The following SPPL3 variants were observed in gnomAD, a reference collection of about 807,000 sequenced individuals.
The protein encoded by SPPL3 is signal peptide peptidase like 3, also known as signal peptide peptidase-like 3.
A neutral mutation model predicts 42.4 loss-of-function variants in SPPL3; 5 were observed. The observed-to-expected ratio is 0.12, with a 90% CI of 0.06 to 0.25. SPPL3 has a LOEUF of 0.25. Among genes scored for constraint, SPPL3 ranks in the 10% least tolerant of loss-of-function variants. SPPL3 has a pLI of 1.00. For missense variants in SPPL3, 235 were observed against 489.0 expected, an observed-to-expected ratio of 0.48 and a Z score of 4.90; for synonymous variants, 195 against 181.8, an observed-to-expected ratio of 1.07 and a Z score of -0.58.
chr12:120,878,855 C>G (rs570224577), intron 1 of SPPL3, among the ~76,000 whole-genome samples: 12 of 151,956 alleles, frequency 7.9e-5, no homozygotes, highest in Non-Finnish European at 1.5e-5. Flanking sequence ...GGCTCATACC[C>G]GTAATCCCAG....
chr12:120,843,721 GGT>G (rs1289793838), intron 1 of SPPL3, among the ~76,000 whole-genome samples: 1 of 152,166 alleles, frequency 6.6e-6, no homozygotes, highest in Non-Finnish European at 1.5e-5. Context: ...GGGTGGCTGA[GGT>G]GGGTGGATCG....
intron 1 of SPPL3, among the ~76,000 whole-genome samples, chr12:120,866,368 T>C (rs1872754436): frequency 6.6e-6 from 1 of 151,210 alleles, no homozygotes; most frequent in Non-Finnish European, 1.5e-5. Context: ...TGGGAATCCG[T>C]GTAACAACAC....
intron 3 of SPPL3, among the ~76,000 whole-genome samples, chr12:120,785,760 C>T (rs955578982): frequency 6.6e-6 from 1 of 150,684 alleles, no homozygotes. Flanking sequence ...CACTTGAGGC[C>T]AGGAGTTCAA....
intron 3 of SPPL3, among the ~76,000 whole-genome samples, chr12:120,784,873 C>T (rs1216626671): frequency 6.6e-6 from 1 of 152,050 alleles, no homozygotes; most frequent in African/African-American, 2.4e-5. Context: ...AAACCACCAC[C>T]GAGAACATTA....
At chr12:120,882,818 AG>A (rs1333132657) in intron 1 of SPPL3, among the ~76,000 whole-genome samples, 2 of 152,088 alleles carry the variant, frequency 1.3e-5, no homozygotes, top group Admixed American at 1.3e-4. Context: ...GCTTGAGGCT[AG>A]GAGTTCAAGG....
At chr12:120,816,421 A>G (rs1592976851) in intron 1 of SPPL3, among the ~76,000 whole-genome samples, 2 of 152,258 alleles carry the variant, frequency 1.3e-5, no homozygotes, top group East Asian at 1.9e-4. Flanking sequence ...ACTTTACCAA[A>G]TATCACATAA....
chr12:120,903,786 CGCCGGCGCCCCGACCCCCACCCTT>C (rs1400234592), intron 1 of SPPL3, 35 bp downstream of exon 1: 2 of 1,354,738 alleles, frequency 1.5e-6, no homozygotes, highest in African/African-American at 3.1e-5. Context: ...CGGCGGGCCG[CGCCGGCGCCCCGACCCCCACCCTT>C]GCCGCCTCCC....
chr12:120,789,451 C>CAAAAAA lies in SPPL3; in HGVS notation c.190+2012_190+2017dup, dbSNP rs60082359. On this transcript the variant is annotated intron_variant, in intron 3 of 10. Transcript: ENST00000353487. ...CCTGGGTGACAGTGAGACTCTGTCT[C>CAAAAAA]AAAAAAAAAAAGAAAAAAAGCATTT... Among the ~76,000 whole-genome samples the CAAAAAA allele has an allele frequency of 3.1e-5, 3 of 96,192 alleles. 1 individual carries two copies. Among genetic ancestry groups the CAAAAAA allele is most frequent in the Admixed American group, 2.6e-4 (2 of 7,706 alleles). 63.1% of individuals were successfully genotyped at this position (96,192 alleles called of 152,430 possible). A position where few individuals can be genotyped will look rare whatever the true frequency, so the allele number is the denominator to read the frequency against.
At chr12:120,810,660 A>C in intron 2 of SPPL3, 149 bp downstream of exon 2, 2 of 659,990 alleles carry the variant, frequency 3.0e-6, no homozygotes, top group Admixed American at 2.6e-5. Context: ...AGCCAATTAA[A>C]GAACAAATAG....
chr12:120,890,588 C>CAA (rs34253596), intron 1 of SPPL3, among the ~76,000 whole-genome samples: 52 of 91,330 alleles, frequency 5.7e-4, no homozygotes, highest in South Asian at 1.1e-3. Flanking sequence ...GACTCCGTCT[C>CAA]AAAAAAAAAA....
intron 1 of SPPL3, among the ~76,000 whole-genome samples, chr12:120,846,708 TA>T (rs142618908): frequency 0.038 from 5,702 of 151,358 alleles, 124 homozygotes; most frequent in South Asian, 0.068. Context: ...TTTTTTAAAA[TA>T]AAAAAAAATG....
At chr12:120,900,420 G>T (rs971339617) in intron 1 of SPPL3, among the ~76,000 whole-genome samples, 1 of 151,552 alleles carries the variant, frequency 6.6e-6, no homozygotes, top group South Asian at 2.1e-4. Context: ...ACCAGCACCG[G>T]CAACATGGCG....
chr12:120,772,321 C>T (rs998252169), intron 6 of SPPL3, among the ~76,000 whole-genome samples: 1 of 152,202 alleles, frequency 6.6e-6, no homozygotes, highest in African/African-American at 2.4e-5. Context: ...CGCGCCCGGC[C>T]CAGTTGCTTC....
At chr12:120,835,989 T>G (rs1871606975) in intron 1 of SPPL3, among the ~76,000 whole-genome samples, 1 of 152,186 alleles carries the variant, frequency 6.6e-6, no homozygotes, top group East Asian at 1.9e-4. Context: ...ACATTCTCCT[T>G]TGTACTTTTT....
At chr12:120,806,574 C>T (rs544291563) in intron 2 of SPPL3, among the ~76,000 whole-genome samples, 2 of 152,066 alleles carry the variant, frequency 1.3e-5, no homozygotes, top group Non-Finnish European at 1.5e-5. Context: ...GAGAGCCAGG[C>T]GCGGTGGCTC....
At chr12:120,779,174 A>AT (rs1218025998) in intron 6 of SPPL3, among the ~76,000 whole-genome samples, 4 of 152,232 alleles carry the variant, frequency 2.6e-5, no homozygotes, top group African/African-American at 4.8e-5. Flanking sequence ...TATATAGCCT[A>AT]TAAGATCAGT....
intron 1 of SPPL3, among the ~76,000 whole-genome samples, chr12:120,820,306 A>ATTTTTTTTTTTTTTTTT (rs11374486): frequency 3.0e-5 from 3 of 100,998 alleles, no homozygotes; most frequent in Non-Finnish European, 5.6e-5. Context: ...CTTTCTCTAA[A>ATTTTTTTTTTTTTTTTT]TTTTTTTTTT....
At chr12:120,767,345 G>A in intron 9 of SPPL3, 49 bp downstream of exon 9, 5 of 1,573,804 alleles carry the variant, frequency 3.2e-6, no homozygotes, top group Non-Finnish European at 4.3e-6. Context: ...TCCAAAGGTT[G>A]GAGGACAGCC....
chr12:120,784,095 G>C, intron 4 of SPPL3: 1 of 259,612 alleles, frequency 3.9e-6, no homozygotes, highest in South Asian at 6.3e-5. Context: ...ACTTTGATTA[G>C]CTATCCATGT....
Sources: gnomAD v4.1 joint callset for allele counts (sites outside exome capture counted in the v4.1 genomes callset) on GRCh38, gnomAD v4.1.1 for gene constraint, MANE v1.5 for transcripts, NCBI Gene and HGNC (gene_info 2026-07-23, HGNC 2026-07-21) for gene names.